Variants in ZNF385D observed in about 807,000 individuals in gnomAD.
The protein encoded by ZNF385D is zinc finger protein 385D.
In ZNF385D, 15 loss-of-function variants were observed where a neutral mutation model predicts 35.8. The ratio of observed to expected loss-of-function variants is 0.42; its 90% CI spans 0.28 to 0.64. ZNF385D has a LOEUF of 0.64. Ranked by LOEUF, ZNF385D falls within the 30% of genes least tolerant of loss-of-function variation. ZNF385D has a pLI of 0.23. For synonymous variants in ZNF385D, 212 were observed against 186.8 expected, an observed-to-expected ratio of 1.13 and a Z score of -1.10; for missense variants, 474 against 494.6, an observed-to-expected ratio of 0.96 and a Z score of 0.39.
intron 2 of ZNF385D, among the ~76,000 whole-genome samples, chr3:22,179,017 G>T (rs192746522): frequency 5.9e-5 from 9 of 152,062 alleles, no homozygotes; most frequent in African/African-American, 2.2e-4. Flanking sequence ...GTCAGGCAGC[G>T]TGATGCCTCC....
chr3:22,079,151 T>A (rs1296271825), intron 3 of ZNF385D, among the ~76,000 whole-genome samples: 3 of 152,064 alleles, frequency 2.0e-5, no homozygotes, highest in Non-Finnish European at 4.4e-5. Context: ...ACTGGTAACC[T>A]ACATTAGCCA....
chr3:21,595,822 C>A (rs1461431684), intron 2 of ZNF385D, among the ~76,000 whole-genome samples: 3 of 152,096 alleles, frequency 2.0e-5, no homozygotes, highest in Admixed American at 2.0e-4. Context: ...AACTTCTAGT[C>A]CAAGAAAGGC....
chr3:22,002,236 A>T lies in ZNF385D; in HGVS notation c.325+166581T>A, dbSNP rs538332335. Among the ~76,000 whole-genome samples the T allele has an allele frequency of 2.0e-5, 3 of 152,126 alleles. No homozygotes were observed. In the East Asian group the frequency reaches 5.8e-4, roughly 29 times the overall value. On this transcript the variant is annotated intron_variant, in intron 3 of 5. Transcript: ENST00000494108. ...ATACCAAAAAAGACCCAAATCAATAAAATCAAAATTAAAAAAAAGAGTCAT... is the reference window on the plus strand; with the variant it reads ...ATACCAAAAAAGACCCAAATCAATATAATCAAAATTAAAAAAAAGAGTCAT...
chr3:22,130,375 T>A (rs540546677), intron 3 of ZNF385D, among the ~76,000 whole-genome samples: 1 of 152,210 alleles, frequency 6.6e-6, no homozygotes, highest in East Asian at 1.9e-4. Flanking sequence ...TCCCCAGGAA[T>A]TAATTACAAT....
At chr3:21,716,611 A>T (rs1324896027) in intron 1 of ZNF385D, among the ~76,000 whole-genome samples, 1 of 152,112 alleles carries the variant, frequency 6.6e-6, no homozygotes, top group African/African-American at 2.4e-5. Flanking sequence ...TATGTTACTC[A>T]GAGTTCACCT....
At chr3:22,197,952 G>T (rs929450515) in intron 2 of ZNF385D, among the ~76,000 whole-genome samples, 1 of 152,042 alleles carries the variant, frequency 6.6e-6, no homozygotes, top group Non-Finnish European at 1.5e-5. Context: ...GGGAAGACTG[G>T]CTTCATACAA....
At chr3:21,761,005 C>A (rs1338401180) in intron 3 of ZNF385D, among the ~76,000 whole-genome samples, 1 of 152,150 alleles carries the variant, frequency 6.6e-6, no homozygotes, top group East Asian at 1.9e-4. Context: ...GACAAAGTGG[C>A]TTTTGCTTCT....
intron 1 of ZNF385D, among the ~76,000 whole-genome samples, chr3:21,667,291 G>A (rs904341503): frequency 7.9e-5 from 12 of 152,118 alleles, no homozygotes; most frequent in Middle Eastern, 3.4e-3. Context: ...CCTCCCAAGT[G>A]GCTGGGACTA....
At chr3:21,478,861 C>G (rs1179968516) in intron 4 of ZNF385D, among the ~76,000 whole-genome samples, 1 of 151,918 alleles carries the variant, frequency 6.6e-6, no homozygotes, top group Non-Finnish European at 1.5e-5. Flanking sequence ...TTCTATTTAC[C>G]TACATTCAAA....
chr3:22,070,584 C>G (rs1191388263), intron 3 of ZNF385D, among the ~76,000 whole-genome samples: 1 of 151,966 alleles, frequency 6.6e-6, no homozygotes, highest in Admixed American at 6.6e-5. Context: ...AAGGATGAAA[C>G]TATTTTCAAA....
chr3:22,137,629 C>T (rs1015666960), intron 3 of ZNF385D, among the ~76,000 whole-genome samples: 3 of 152,154 alleles, frequency 2.0e-5, no homozygotes, highest in Non-Finnish European at 2.9e-5. Context: ...GCCCTTCATG[C>T]TAAAAGCTCT....
intron 1 of ZNF385D, among the ~76,000 whole-genome samples, chr3:21,711,230 T>A (rs990546331): frequency 1.3e-5 from 2 of 151,314 alleles, no homozygotes; most frequent in South Asian, 2.1e-4. Flanking sequence ...TTTAGTAGAG[T>A]CAGGGTTTCA....
intron 2 of ZNF385D, among the ~76,000 whole-genome samples, chr3:22,252,465 A>G (rs1438569868): frequency 6.6e-6 from 1 of 152,068 alleles, no homozygotes; most frequent in African/African-American, 2.4e-5. Flanking sequence ...GTAGATTGTT[A>G]TATTATTTAA....
At chr3:22,076,762 A>G (rs1700485684) in intron 3 of ZNF385D, among the ~76,000 whole-genome samples, 1 of 151,898 alleles carries the variant, frequency 6.6e-6, no homozygotes, top group African/African-American at 2.4e-5. Context: ...TCTGTCTCTA[A>G]TAACAAATTG....
intron 3 of ZNF385D, among the ~76,000 whole-genome samples, chr3:21,908,172 A>ATC (rs1559743622): frequency 2.0e-5 from 3 of 150,974 alleles, no homozygotes; most frequent in African/African-American, 7.3e-5. Context: ...CTATCTATCT[A>ATC]TATATGTATA....
chr3:21,941,990 G>A (rs1440907993), intron 3 of ZNF385D, among the ~76,000 whole-genome samples: 3 of 152,054 alleles, frequency 2.0e-5, no homozygotes, highest in Non-Finnish European at 2.9e-5. Flanking sequence ...CTTGAATTTG[G>A]GAAATTCCGC....
At chr3:22,270,349 T>C (rs1701108740) in intron 2 of ZNF385D, among the ~76,000 whole-genome samples, 1 of 151,992 alleles carries the variant, frequency 6.6e-6, no homozygotes, top group South Asian at 2.1e-4. Context: ...AGGGTTTTCA[T>C]ATACAGCTTT....
intron 1 of ZNF385D, among the ~76,000 whole-genome samples, chr3:21,681,474 T>C (rs964294605): frequency 2.6e-5 from 4 of 151,780 alleles, no homozygotes; most frequent in Non-Finnish European, 5.9e-5. Context: ...CAAGCTTTAA[T>C]CTGCCAAAGG....
intron 3 of ZNF385D, among the ~76,000 whole-genome samples, chr3:21,892,918 A>T (rs1698947425): frequency 6.6e-6 from 1 of 152,168 alleles, no homozygotes; most frequent in Admixed American, 6.5e-5. Flanking sequence ...AGTAAGTGAC[A>T]TATTGTAAAA....
Sources: allele counts gnomAD v4.1 joint callset (sites outside exome capture counted in the v4.1 genomes callset), GRCh38; gene constraint gnomAD v4.1.1; transcripts MANE v1.5; gene names NCBI Gene and HGNC (gene_info 2026-07-23, HGNC 2026-07-21).